The following ARHGAP32 variants were observed in gnomAD, a reference collection of about 807,000 sequenced individuals.
ARHGAP32 encodes Rho GTPase activating protein 32, also known as rho GTPase-activating protein 32.
Under a neutral mutation model 186.5 loss-of-function variants are expected in ARHGAP32, and 51 were observed. The ratio of observed to expected loss-of-function variants is 0.27; its 90% confidence interval spans 0.22 to 0.35. The LOEUF is 0.35. Among genes scored for constraint, ARHGAP32 ranks in the 10% least tolerant of loss-of-function variants. ARHGAP32 has a pLI of 1.00. For synonymous variants in ARHGAP32, 950 were observed against 964.3 expected (o/e 0.99, Z 0.27); for missense variants, 2,186 against 2,623.5 (o/e 0.83, Z 3.64).
intron 2 of ARHGAP32, among the ~76,000 whole-genome samples, chr11:129,152,535 G>A (rs927718666): frequency 1.3e-5 from 2 of 151,990 alleles, no homozygotes; most frequent in Non-Finnish European, 2.9e-5. Flanking sequence ...ATATGATACA[G>A]CATGACCAAG....
At chr11:129,128,398 AATTT>A (rs1243648194) in intron 2 of ARHGAP32, among the ~76,000 whole-genome samples, 11 of 152,164 alleles carry the variant, frequency 7.2e-5, no homozygotes, top group Non-Finnish European at 1.5e-5. Flanking sequence ...AAAACACTAA[AATTT>A]AGCAGCCTTC....
intron 1 of ARHGAP32, among the ~76,000 whole-genome samples, chr11:129,180,428 A>G (rs1411139270): frequency 6.6e-6 from 1 of 152,136 alleles, no homozygotes; most frequent in Non-Finnish European, 1.5e-5. Flanking sequence ...TTATCTGGGT[A>G]TATATTTTGT....
intron 11 of ARHGAP32, among the ~76,000 whole-genome samples, chr11:129,017,191 C>T (rs1938386258): frequency 1.3e-5 from 2 of 152,214 alleles, no homozygotes; most frequent in Middle Eastern, 3.4e-3. Flanking sequence ...CATGGTGGCT[C>T]ATGCCTGTAA....
intron 1 of ARHGAP32, among the ~76,000 whole-genome samples, chr11:129,266,370 T>C (rs1945400452): frequency 6.6e-6 from 1 of 152,094 alleles, no homozygotes; most frequent in East Asian, 1.9e-4. Flanking sequence ...CTCCTAAACC[T>C]GCCCATAAAG....
rs575730129 is a variant in ARHGAP32 at position 129,276,607 on chromosome 11, T to C, written c.-5+2539A>G. Among the ~76,000 whole-genome samples the C allele has an allele frequency of 1.1e-3, 162 of 152,298 alleles. 1 individual carries two copies. Among genetic ancestry groups the C allele is most frequent in the Admixed American group, 3.0e-3 (46 of 15,292 alleles). On this transcript the variant is annotated intron_variant, in intron 1 of 6. Transcript: ENST00000525234. ...AGGTGTAAGCCACCCTGCCCAGCCT[T>C]TATATGCATGTTTTTTAAATTTCTG...
rs1220377207 is a variant in ARHGAP32 at position 128,967,191 on chromosome 11, C to A, written c.*1716G>T. The A allele has an allele frequency of 6.6e-6, 1 of 152,088 alleles. No homozygotes were observed. Among genetic ancestry groups the A allele is most frequent in the African/African-American group, 2.4e-5 (1 of 41,386 alleles). 9.4% of individuals were successfully genotyped at this position (152,088 alleles called of 1,614,324 possible). A position where few individuals can be genotyped will look rare whatever the true frequency, so the allele number is the denominator to read the frequency against. On this transcript the variant is annotated 3_prime_UTR_variant, in exon 23 of 23. Transcript: ENST00000682385. ...TTTCTAAATATAAACCCTTAAAATG[C>A]ACATTATTTTTTAAAATAAAAACTG...
intron 1 of ARHGAP32, among the ~76,000 whole-genome samples, chr11:129,219,098 G>A (rs575357715): frequency 2.2e-4 from 33 of 152,316 alleles, no homozygotes; most frequent in African/African-American, 6.5e-4. Context: ...TTGGGATGAG[G>A]TGCTGCATTC....
At chr11:129,196,646 G>T (rs1163862343), upstream of ARHGAP32, among the ~76,000 whole-genome samples, 1 of 152,060 alleles carries the variant, frequency 6.6e-6, no homozygotes, top group African/African-American at 2.4e-5. Flanking sequence ...CAAACATAAC[G>T]AATTATATAA....
chr11:129,053,010 T>G (rs492908), intron 10 of ARHGAP32, among the ~76,000 whole-genome samples: 98,680 of 151,854 alleles, frequency 0.65, 32,442 homozygotes, highest in Middle Eastern at 0.71. Flanking sequence ...AAAATTGAGT[T>G]TTTACATGTA....
intron 1 of ARHGAP32, among the ~76,000 whole-genome samples, chr11:129,220,357 AT>A (rs1365555348): frequency 2.0e-5 from 3 of 152,224 alleles, no homozygotes; most frequent in Non-Finnish European, 2.9e-5. Context: ...AGTGTGACTG[AT>A]ACTAACAATG....
chr11:129,177,544 T>C (rs1943947114), intron 1 of ARHGAP32, among the ~76,000 whole-genome samples: 1 of 152,144 alleles, frequency 6.6e-6, no homozygotes, highest in Admixed American at 6.6e-5. Flanking sequence ...CTTAATAAAA[T>C]ACTGGCAAAC....
intron 10 of ARHGAP32, among the ~76,000 whole-genome samples, chr11:129,055,770 A>G (rs1940226286): frequency 6.6e-6 from 1 of 152,236 alleles, no homozygotes; most frequent in Admixed American, 6.5e-5. Context: ...GTTCAGCAGG[A>G]AAGGAAAAAT....
At chr11:128,983,003 A>G (rs756211507) in intron 15 of ARHGAP32, among the ~76,000 whole-genome samples, 5 of 152,164 alleles carry the variant, frequency 3.3e-5, no homozygotes, top group Non-Finnish European at 7.3e-5. Flanking sequence ...CCGAGCCACA[A>G]AGATTCAGAT....
intron 11 of ARHGAP32, among the ~76,000 whole-genome samples, chr11:129,027,168 C>T (rs892904682): frequency 1.9e-4 from 29 of 152,204 alleles, no homozygotes; most frequent in Admixed American, 5.9e-4. Flanking sequence ...TCTGCCAGCT[C>T]CATGGCCAAA....
chr11:129,021,774 G>T (rs1248484319), intron 11 of ARHGAP32, among the ~76,000 whole-genome samples: 2 of 151,898 alleles, frequency 1.3e-5, no homozygotes, highest in East Asian at 3.9e-4. Context: ...TCTCGACTTG[G>T]TACAAAATCA....
intron 12 of ARHGAP32, among the ~76,000 whole-genome samples, chr11:128,988,451 G>C (rs1010561708): frequency 1.3e-5 from 2 of 152,138 alleles, no homozygotes; most frequent in African/African-American, 4.8e-5. Flanking sequence ...TTACAGCAAA[G>C]TGAACTGTTT....
chr11:129,154,802 G>A (rs1327788215), intron 2 of ARHGAP32, among the ~76,000 whole-genome samples: 1 of 151,984 alleles, frequency 6.6e-6, no homozygotes, highest in East Asian at 1.9e-4. Context: ...GGTGACAGGT[G>A]CACCAAAATC....
At chr11:129,126,370 A>G (rs1038741006) in intron 2 of ARHGAP32, among the ~76,000 whole-genome samples, 14 of 152,232 alleles carry the variant, frequency 9.2e-5, no homozygotes, top group African/African-American at 3.4e-4. Flanking sequence ...CCTGTCCTAC[A>G]AAGTTGATGC....
rs1028817449 is a variant in ARHGAP32, at chr11:128,974,328, C to T, written c.2869G>A (p.Val957Ile). Residue 957 changes from valine to isoleucine, a missense_variant, in exon 21 of 23, where the codon GTT (valine) becomes ATT (isoleucine). Transcript: ENST00000682385. ...NASSSTWDKC[V>I]EERDATNRSP... ...CTATTTGTGGCATCCCTTTCTTCAACGCATTTGTCCCAGGTTGAAGATGAT... is the reference window on the plus strand; with the variant it reads ...CTATTTGTGGCATCCCTTTCTTCAATGCATTTGTCCCAGGTTGAAGATGAT... 12 of 1,614,182 alleles carry T rather than the reference C, an allele frequency of 7.4e-6. No homozygotes were observed. Among genetic ancestry groups the T allele is most frequent in the South Asian group, 6.6e-5 (6 of 91,084 alleles).
Sources: gnomAD v4.1 joint callset for allele counts (sites outside exome capture counted in the v4.1 genomes callset) on GRCh38, gnomAD v4.1.1 for gene constraint, MANE v1.5 for transcripts, NCBI Gene and HGNC (gene_info 2026-07-23, HGNC 2026-07-21) for gene names.